CNTNAP2: variants seen among roughly 807,000 people sequenced by gnomAD.
CNTNAP2 encodes the protein contactin-associated protein-like 2.
CNTNAP2 carries 98 observed loss-of-function variants against 155.2 expected under a neutral mutation model. That is an observed-to-expected ratio of 0.63 (90% CI 0.54 to 0.75). CNTNAP2 has a LOEUF of 0.75. Among genes scored for constraint, CNTNAP2 ranks in the 30% least tolerant of loss-of-function variants. The pLI is 0.00. For synonymous variants in CNTNAP2, 651 were observed against 631.2 expected (o/e 1.03, Z -0.47); for missense variants, 1,727 against 1,688.1 (o/e 1.02, Z -0.40).
intron 1 of CNTNAP2, among the ~76,000 whole-genome samples, chr7:146,687,560 A>T (rs968472954): frequency 6.6e-6 from 1 of 150,932 alleles, no homozygotes; most frequent in South Asian, 2.1e-4. Context: ...ATGCAAATAG[A>T]TGAATTTTTA....
chr7:146,506,457 C>T (rs949018154), intron 1 of CNTNAP2, among the ~76,000 whole-genome samples: 10 of 152,366 alleles, frequency 6.6e-5, no homozygotes, highest in African/African-American at 2.4e-4. Context: ...CCAATTTCTG[C>T]TGCAGCCATA....
At chr7:147,951,554 T>C (rs868446822) in intron 14 of CNTNAP2, among the ~76,000 whole-genome samples, 1 of 152,132 alleles carries the variant, frequency 6.6e-6, no homozygotes, top group African/African-American at 2.4e-5. Flanking sequence ...GAAATGAACG[T>C]TGTGGTTTGG....
intron 11 of CNTNAP2, among the ~76,000 whole-genome samples, chr7:147,538,149 A>G (rs1799580189): frequency 2.0e-5 from 3 of 152,200 alleles, no homozygotes; most frequent in African/African-American, 7.2e-5. Flanking sequence ...AAGAAACTAA[A>G]CGTTCATCGG....
chr7:146,972,479 A>G (rs762478126), intron 3 of CNTNAP2, among the ~76,000 whole-genome samples: 1 of 152,238 alleles, frequency 6.6e-6, no homozygotes, highest in Non-Finnish European at 1.5e-5. Flanking sequence ...AATACATAGC[A>G]CAAAAGAATT....
chr7:148,034,316 A>G (rs1002643044), intron 15 of CNTNAP2, among the ~76,000 whole-genome samples: 4 of 152,100 alleles, frequency 2.6e-5, no homozygotes, highest in African/African-American at 9.7e-5. Flanking sequence ...TGTTCCCCCC[A>G]AAGTGCATGT....
At chr7:147,680,239 A>G (rs1450899908) in intron 13 of CNTNAP2, among the ~76,000 whole-genome samples, 4 of 151,918 alleles carry the variant, frequency 2.6e-5, no homozygotes, top group African/African-American at 9.7e-5. Context: ...CCCATCATCA[A>G]GTTCCTGGAC....
chr7:147,925,146 AG>A (rs1170623371), intron 14 of CNTNAP2, among the ~76,000 whole-genome samples: 3 of 85,378 alleles, frequency 3.5e-5, no homozygotes, highest in Admixed American at 1.3e-4. Context: ...AGAGAGAGAG[AG>A]AGAGAGAGAA....
intron 15 of CNTNAP2, among the ~76,000 whole-genome samples, chr7:148,036,843 A>G (rs759205483): frequency 5.3e-5 from 8 of 152,170 alleles, no homozygotes; most frequent in Non-Finnish European, 1.0e-4. Flanking sequence ...AAGGAATCTC[A>G]AAGTTCCACA....
chr7:147,535,619 C>T (rs1247910413), intron 11 of CNTNAP2, among the ~76,000 whole-genome samples: 2 of 152,102 alleles, frequency 1.3e-5, no homozygotes, highest in Middle Eastern at 3.2e-3. Context: ...AAGTTCTAAT[C>T]TGATGAATGT....
chr7:146,286,163 T>C (rs1800333815), intron 1 of CNTNAP2, among the ~76,000 whole-genome samples: 1 of 149,682 alleles, frequency 6.7e-6, no homozygotes, highest in Non-Finnish European at 1.5e-5. Flanking sequence ...GCATGGGAGA[T>C]TTGGAATCAG....
intron 4 of CNTNAP2, among the ~76,000 whole-genome samples, chr7:147,084,370 T>C: frequency 1.9e-5 from 1 of 52,224 alleles, no homozygotes. Flanking sequence ...TATATATGTA[T>C]ATATAATATA....
intron 2 of CNTNAP2, among the ~76,000 whole-genome samples, chr7:146,813,472 C>T (rs1803107213): frequency 6.6e-6 from 1 of 152,066 alleles, no homozygotes; most frequent in African/African-American, 2.4e-5. Context: ...GCCTATAGCC[C>T]CTTTGTTTTG....
chr7:148,360,956 C>T (rs1798608678), intron 21 of CNTNAP2, among the ~76,000 whole-genome samples: 1 of 151,822 alleles, frequency 6.6e-6, no homozygotes, highest in Admixed American at 6.6e-5. Flanking sequence ...TTACAGGCAC[C>T]CACCACCATA....
At chr7:147,476,607 T>C (rs1798324494) in intron 10 of CNTNAP2, among the ~76,000 whole-genome samples, 1 of 151,830 alleles carries the variant, frequency 6.6e-6, no homozygotes, top group African/African-American at 2.4e-5. Flanking sequence ...CTTTTCCTAG[T>C]CTGCCCCTGC....
intron 1 of CNTNAP2, among the ~76,000 whole-genome samples, chr7:146,604,690 A>C (rs1799012587): frequency 7.7e-6 from 1 of 129,926 alleles, no homozygotes; most frequent in Non-Finnish European, 1.6e-5. Context: ...TCCAACAATG[A>C]TAGACTGGAT....
intron 4 of CNTNAP2, among the ~76,000 whole-genome samples, chr7:147,059,433 ATTTTTTT>A (rs11365544): frequency 7.1e-6 from 1 of 140,186 alleles, no homozygotes; most frequent in Admixed American, 7.1e-5. Flanking sequence ...GATAATTCTG[ATTTTTTT>A]TTTTTTTTTT....
intron 10 of CNTNAP2, among the ~76,000 whole-genome samples, chr7:147,400,901 C>T (rs1437142461): frequency 6.6e-6 from 1 of 152,132 alleles, no homozygotes; most frequent in African/African-American, 2.4e-5. Context: ...TTCTTGGAGC[C>T]AAAAGCACCT....
At chr7:147,866,272 A>G (rs1430348446) in intron 13 of CNTNAP2, among the ~76,000 whole-genome samples, 1 of 107,814 alleles carries the variant, frequency 9.3e-6, no homozygotes, top group Non-Finnish European at 1.9e-5. Flanking sequence ...AATTGATTGC[A>G]CTGTGGTCTG....
intron 3 of CNTNAP2, among the ~76,000 whole-genome samples, chr7:147,033,705 G>A (rs1356897683): frequency 6.6e-6 from 1 of 151,762 alleles, no homozygotes; most frequent in Non-Finnish European, 1.5e-5. Flanking sequence ...AAAGAGGTAT[G>A]GTCTGAAACC....
Sources: gnomAD v4.1 joint callset for allele counts (sites outside exome capture counted in the v4.1 genomes callset) on GRCh38, gnomAD v4.1.1 for gene constraint, MANE v1.5 for transcripts, NCBI Gene and HGNC (gene_info 2026-07-23, HGNC 2026-07-21) for gene names.